KLHL1: variants seen among roughly 807,000 people sequenced by gnomAD.
The protein encoded by KLHL1 is kelch-like protein 1.
KLHL1 carries 47 observed loss-of-function variants against 77.7 expected under a neutral mutation model. That is an observed-to-expected ratio of 0.60 (90% CI 0.48 to 0.77). KLHL1 has a LOEUF of 0.77. Among genes scored for constraint, KLHL1 ranks in the 30% least tolerant of loss-of-function variants. The pLI, the probability that KLHL1 is intolerant of heterozygous loss-of-function variation, is 0.00. For missense variants in KLHL1, 925 were observed against 910.8 expected (o/e 1.02, Z -0.20); for synonymous variants, 360 against 325.2 (o/e 1.11, Z -1.15).
At chr13:69,885,060 C>T (rs1274847460) in intron 4 of KLHL1, among the ~76,000 whole-genome samples, 1 of 141,658 alleles carries the variant, frequency 7.1e-6, no homozygotes, top group Non-Finnish European at 1.5e-5. Context: ...CCTGCCTCAG[C>T]CTCCCGAGTA....
intron 1 of KLHL1, among the ~76,000 whole-genome samples, chr13:70,008,331 G>T (rs776633169): frequency 3.9e-5 from 6 of 151,962 alleles, no homozygotes. Context: ...TTGAGAACAT[G>T]CACTTGTGCC....
intron 7 of KLHL1, among the ~76,000 whole-genome samples, chr13:69,776,782 A>AT (rs1363115290): frequency 5.3e-5 from 8 of 152,202 alleles, no homozygotes; most frequent in Non-Finnish European, 1.0e-4. Context: ...AATAACAGAA[A>AT]TTGAGGTGGT....
intron 3 of KLHL1, among the ~76,000 whole-genome samples, chr13:69,941,467 T>C (rs759698302): frequency 1.3e-5 from 2 of 151,980 alleles, no homozygotes; most frequent in Non-Finnish European, 2.9e-5. Flanking sequence ...GAGGAAAGTT[T>C]ATAGCGATAA....
At chr13:70,039,457 A>C (rs1886319446) in intron 1 of KLHL1, among the ~76,000 whole-genome samples, 1 of 152,034 alleles carries the variant, frequency 6.6e-6, no homozygotes, top group African/African-American at 2.4e-5. Flanking sequence ...TGTGGCATAA[A>C]TAATTTTTTG....
intron 7 of KLHL1, among the ~76,000 whole-genome samples, chr13:69,795,552 A>C (rs895256991): frequency 6.6e-6 from 1 of 152,200 alleles, no homozygotes; most frequent in South Asian, 2.1e-4. Context: ...AAATTCAAGA[A>C]CTGTTAGTCT....
At chr13:69,983,484 T>C (rs1884771739) in intron 1 of KLHL1, among the ~76,000 whole-genome samples, 1 of 150,188 alleles carries the variant, frequency 6.7e-6, no homozygotes, top group Non-Finnish European at 1.5e-5. Flanking sequence ...TTCCCACCTG[T>C]AGTCCTACCA....
At chr13:69,803,875 T>A (rs1370871294) in intron 6 of KLHL1, among the ~76,000 whole-genome samples, 1 of 152,156 alleles carries the variant, frequency 6.6e-6, no homozygotes, top group Non-Finnish European at 1.5e-5. Flanking sequence ...TTGTCAACAA[T>A]CAAAATAAAT....
intron 1 of KLHL1, among the ~76,000 whole-genome samples, chr13:70,043,153 C>A (rs1757863114): frequency 6.6e-6 from 1 of 151,948 alleles, no homozygotes; most frequent in African/African-American, 2.4e-5. Flanking sequence ...GATCCACCTG[C>A]TTGGCTTCCG....
chr13:69,917,203 C>T (rs1049890311), intron 4 of KLHL1, among the ~76,000 whole-genome samples: 2 of 151,810 alleles, frequency 1.3e-5, no homozygotes, highest in Non-Finnish European at 2.9e-5. Flanking sequence ...TCTGTATATT[C>T]TTCTATGCCG....
intron 7 of KLHL1, among the ~76,000 whole-genome samples, chr13:69,780,155 G>A (rs1217010162): frequency 6.6e-6 from 1 of 152,114 alleles, no homozygotes; most frequent in Non-Finnish European, 1.5e-5. Context: ...AGAAAACTGT[G>A]TGTCAGTGTG....
chr13:69,819,629 A>AAT (rs1566289928), intron 6 of KLHL1, among the ~76,000 whole-genome samples: 1 of 151,966 alleles, frequency 6.6e-6, no homozygotes, highest in African/African-American at 2.4e-5. Context: ...AAAAAAAAAA[A>AAT]ATGTAGAAAT....
In KLHL1 at chr13:69,719,563, A is replaced by G; in HGVS notation, c.1821T>C (p.Gly607=). The G allele has an allele frequency of 6.2e-7, 1 of 1,612,212 alleles. No individual in the cohort carries two copies. Among genetic ancestry groups the G allele is most frequent in the Non-Finnish European group, 8.5e-7 (1 of 1,179,184 alleles). Residue 607 remains glycine (G), a synonymous_variant, in exon 9 of 11, where the codon GGT becomes GGC. Coordinates refer to ENST00000377844, the MANE Select transcript of KLHL1 (RefSeq NM_020866.3). ...AACTCAAACAGGAACTTCCATCACG[A>G]CCTCCAACTGAATACAACCTAAAAA... is the stretch of plus-strand genomic sequence containing the variant. ...ALNGKLYSVG[G]RDGSSCLSSM... is the part of the protein sequence containing the mutation.
intron 9 of KLHL1, among the ~76,000 whole-genome samples, chr13:69,714,498 A>AGATT (rs1398899961): frequency 1.2e-4 from 18 of 152,314 alleles, no homozygotes; most frequent in Middle Eastern, 3.4e-3. Context: ...AAAGAACAAT[A>AGATT]GATTATTTAT....
chr13:69,961,399 T>C lies in KLHL1; in HGVS notation c.726A>G (p.Thr242=). ...CTTGCTTGGCTTCACAAACATCACT[T>C]GTAAACATGGCCGCAAAATAGTCGG... The part of the protein sequence containing the change: ...SVSDYFAAMF[T]SDVCEAKQEE... Residue 242 remains threonine, a synonymous_variant, in exon 3 of 11, where the codon ACA becomes ACG. Transcript: ENST00000377844. 2 of 1,613,012 alleles carry C rather than the reference T, an allele frequency of 1.2e-6. No individual in the cohort carries two copies. The highest frequency in any genetic ancestry group is 2.2e-5 in the South Asian group (2 of 91,054).
At chr13:69,796,412 T>C (rs979592458) in intron 7 of KLHL1, among the ~76,000 whole-genome samples, 1 of 152,078 alleles carries the variant, frequency 6.6e-6, no homozygotes, top group Non-Finnish European at 1.5e-5. Flanking sequence ...CTTGTTCTAT[T>C]AGTTCCCTCA....
chr13:70,093,279 G>T lies in KLHL1; in HGVS notation c.497+13924C>A, dbSNP rs17086355. ...AAGAACCCATCATCATAGTGGAGTG[G>T]ACTTTGTCTTTCTCCAAGATGCCCA... On this transcript the variant is annotated intron_variant, in intron 1 of 10. Coordinates refer to ENST00000377844, the MANE Select transcript of KLHL1 (RefSeq NM_020866.3). Among the ~76,000 whole-genome samples, 483 of 152,178 alleles carry T rather than the reference G, an allele frequency of 3.2e-3. 6 individuals carry two copies. The highest frequency in any genetic ancestry group is 0.011 in the African/African-American group (453 of 41,546).
At chr13:69,975,219 C>A (rs1324625406) in intron 2 of KLHL1, among the ~76,000 whole-genome samples, 1 of 151,922 alleles carries the variant, frequency 6.6e-6, no homozygotes, top group Non-Finnish European at 1.5e-5. Context: ...GATTACCTTT[C>A]TTTAGTTTCT....
intron 7 of KLHL1, among the ~76,000 whole-genome samples, chr13:69,780,700 ATGT>A (rs1834001892): frequency 1.4e-5 from 1 of 69,672 alleles, no homozygotes; most frequent in Non-Finnish European, 2.7e-5. Flanking sequence ...ATATATATAT[ATGT>A]ATATATATAT....
At chr13:70,081,657 T>C (rs1049053720) in intron 1 of KLHL1, among the ~76,000 whole-genome samples, 1 of 152,306 alleles carries the variant, frequency 6.6e-6, no homozygotes, top group East Asian at 1.9e-4. Flanking sequence ...ATAAATTCTT[T>C]CAATGATCAA....
Sources: gnomAD v4.1 joint callset for allele counts (sites outside exome capture counted in the v4.1 genomes callset) on GRCh38, gnomAD v4.1.1 for gene constraint, MANE v1.5 for transcripts, NCBI Gene and HGNC (gene_info 2026-07-23, HGNC 2026-07-21) for gene names.